The following SELENOF variants were observed in gnomAD, a reference collection of about 807,000 sequenced individuals.
SELENOF encodes the protein selenoprotein F.
SELENOF carries 16 observed loss-of-function variants against 20.5 expected under a neutral mutation model. The observed-to-expected ratio is 0.78, with a 90% CI of 0.53 to 1.19. The LOEUF is 1.19. Ranked by LOEUF, SELENOF falls within the 50% of genes most tolerant of loss-of-function variation. SELENOF has a pLI of 0.00. For synonymous variants in SELENOF, 78 were observed against 74.5 expected, an observed-to-expected ratio of 1.05 and a Z score of -0.24; for missense variants, 215 against 194.2, an observed-to-expected ratio of 1.11 and a Z score of -0.64.
At chr1:86,867,675 T>G (rs1481397300) in intron 4 of SELENOF, among the ~76,000 whole-genome samples, 1 of 151,872 alleles carries the variant, frequency 6.6e-6, no homozygotes, top group African/African-American at 2.4e-5. Flanking sequence ...ACTCCTATAA[T>G]TATACAACAC....
intron 2 of SELENOF, among the ~76,000 whole-genome samples, chr1:86,902,340 G>C (rs997854007): frequency 2.0e-5 from 3 of 152,126 alleles, no homozygotes; most frequent in Non-Finnish European, 2.9e-5. Context: ...GAGAAATCAA[G>C]GGTTAAATTT....
upstream of SELENOF, chr1:86,914,192 A>G: frequency 8.0e-7 from 1 of 1,255,068 alleles, no homozygotes; most frequent in Non-Finnish European, 1.2e-6. Context: ...ACAGAACGCT[A>G]ACGGCCGTTG....
At chr1:86,900,244 A>G (rs1238765670) in intron 2 of SELENOF, among the ~76,000 whole-genome samples, 1 of 151,826 alleles carries the variant, frequency 6.6e-6, no homozygotes, top group Non-Finnish European at 1.5e-5. Context: ...GGCGGCTGGG[A>G]GGTGGAGGTT....
At position 86,898,644 on chromosome 1, in the gene SELENOF, C is replaced by G. The variant is rs1473724254; in HGVS notation, c.252+4637G>C. ...TCGCCCAGGTTGGAGTGCAGTGGTG[C>G]GATCTCGGCTCACAGCAACCTCTGC... is the stretch of plus-strand genomic sequence containing the variant. On this transcript the variant is annotated intron_variant, in intron 2 of 4. Coordinates refer to ENST00000331835, the MANE Select transcript of SELENOF (RefSeq NM_004261.5). 2.8e-5 allele frequency among the ~76,000 whole-genome samples: 4 copies of G among 144,430 alleles called. No homozygotes were observed. In the South Asian group the frequency reaches 8.7e-4, roughly 31 times the overall value. 94.8% of individuals were successfully genotyped at this position (144,430 alleles called of 152,430 possible).
chr1:86,908,100 C>G (rs1400061650), intron 1 of SELENOF, among the ~76,000 whole-genome samples: 2 of 152,042 alleles, frequency 1.3e-5, no homozygotes, highest in African/African-American at 4.8e-5. Context: ...GAGTTGGCAG[C>G]AGAGAAACTG....
chr1:86,886,505 T>C (rs557615134), intron 2 of SELENOF, among the ~76,000 whole-genome samples: 4 of 152,164 alleles, frequency 2.6e-5, no homozygotes, highest in Admixed American at 1.3e-4. Flanking sequence ...ACTATTTTAT[T>C]TAAAATCGAA....
intron 1 of SELENOF, among the ~76,000 whole-genome samples, chr1:86,906,447 T>C (rs1659828036): frequency 6.6e-6 from 1 of 152,220 alleles, no homozygotes. Context: ...GGGGTCTATG[T>C]TCCCTCCCCT....
chr1:86,885,260 A>C (rs1490337944), intron 2 of SELENOF, among the ~76,000 whole-genome samples: 1 of 152,158 alleles, frequency 6.6e-6, no homozygotes, highest in Non-Finnish European at 1.5e-5. Flanking sequence ...CTGTACTGAG[A>C]TTAGTAAGGG....
chr1:86,900,141 C>G (rs1204961174), intron 2 of SELENOF, among the ~76,000 whole-genome samples: 5 of 149,944 alleles, frequency 3.3e-5, no homozygotes, highest in African/African-American at 9.8e-5. Flanking sequence ...ACATCCCAGA[C>G]GATGGGCGGC....
chr1:86,902,724 T>C (rs1659732980), intron 2 of SELENOF, among the ~76,000 whole-genome samples: 1 of 152,236 alleles, frequency 6.6e-6, no homozygotes, highest in Non-Finnish European at 1.5e-5. Context: ...CAGCAGGTTT[T>C]AAAACATAGT....
At chr1:86,899,572 C>G (rs530788835) in intron 2 of SELENOF, among the ~76,000 whole-genome samples, 1 of 149,030 alleles carries the variant, frequency 6.7e-6, no homozygotes, top group Non-Finnish European at 1.5e-5. Flanking sequence ...CCGGACGGGG[C>G]GGCTGGCCGG....
In SELENOF at chr1:86,870,914, C is replaced by T. The variant is rs188280781; in HGVS notation, c.317-2812G>A. On this transcript the variant is annotated intron_variant, in intron 3 of 4. Transcript: ENST00000331835. Reference sequence around the variant, plus strand: ...GATTACAGGCGTGAGCCACTGTGCCCGGCCAGTAAAAAGATTTTTTTTTTT... The same window carrying T: ...GATTACAGGCGTGAGCCACTGTGCCTGGCCAGTAAAAAGATTTTTTTTTTT... Among the ~76,000 whole-genome samples the T allele has an allele frequency of 6.8e-3, 1,027 of 151,570 alleles. 5 individuals carry two copies. Among genetic ancestry groups the T allele is most frequent in the Non-Finnish European group, 0.012 (793 of 68,002 alleles).
Position 86,863,224 on chromosome 1 carries a change from G to A in SELENOF, c.*250C>T. 2.8e-6 allele frequency: 1 copy of A among 351,534 alleles called. No individual in the cohort carries two copies. The highest frequency in any genetic ancestry group is 5.1e-6 in the Non-Finnish European group (1 of 194,580). The allele number at this position is 351,534 out of a possible 1,614,324, so 21.8% of individuals were successfully genotyped here. A position where few individuals can be genotyped will look rare whatever the true frequency, so the allele number is the denominator to read the frequency against. ...CATTTGCATAATTAACCGCAAGTCT[G>A]TTACAAAGCATTTTGTTAGTGGTAT... is the stretch of plus-strand genomic sequence containing the variant. On this transcript the variant is annotated 3_prime_UTR_variant, in exon 5 of 5. Transcript: ENST00000331835.
upstream of SELENOF, chr1:86,914,370 C>T (rs1417374130): frequency 3.8e-6 from 2 of 524,380 alleles, no homozygotes; most frequent in South Asian, 2.2e-5. Context: ...CACGACACTT[C>T]GTCAAGCAGC....
intron 1 of SELENOF, among the ~76,000 whole-genome samples, chr1:86,909,976 G>A (rs761109992): frequency 5.3e-5 from 8 of 152,170 alleles, no homozygotes; most frequent in Non-Finnish European, 7.3e-5. Flanking sequence ...GTGACAATGC[G>A]AGACTTCGTC....
intron 2 of SELENOF, among the ~76,000 whole-genome samples, chr1:86,886,937 T>TTTTCCAA (rs1659233696): frequency 6.6e-6 from 1 of 152,162 alleles, no homozygotes; most frequent in African/African-American, 2.4e-5. Context: ...TTCCAAACAC[T>TTTTCCAA]AATAATATCC....
At chr1:86,875,996 C>A (rs59128739) in intron 3 of SELENOF, among the ~76,000 whole-genome samples, 1 of 151,122 alleles carries the variant, frequency 6.6e-6, no homozygotes, top group Admixed American at 6.6e-5. Flanking sequence ...TTGTATGTGA[C>A]AGAGAACTAT....
At chr1:86,901,426 A>C (rs1426731955) in intron 2 of SELENOF, among the ~76,000 whole-genome samples, 1 of 141,856 alleles carries the variant, frequency 7.0e-6, no homozygotes, top group African/African-American at 2.8e-5. Context: ...AGTCTTACTA[A>C]AAAAAAAAAA....
chr1:86,889,190 G>C (rs551616667), intron 2 of SELENOF, among the ~76,000 whole-genome samples: 25 of 152,268 alleles, frequency 1.6e-4, no homozygotes, highest in South Asian at 4.2e-4. Context: ...GCTTTACTCT[G>C]TCAATATACT....
Sources: gnomAD v4.1 joint callset for allele counts (sites outside exome capture counted in the v4.1 genomes callset) on GRCh38, gnomAD v4.1.1 for gene constraint, MANE v1.5 for transcripts, NCBI Gene and HGNC (gene_info 2026-07-23, HGNC 2026-07-21) for gene names.